Variants in TENM3 observed in about 807,000 individuals in gnomAD.
TENM3 encodes teneurin transmembrane protein 3, also known as teneurin-3.
In TENM3, 63 loss-of-function variants were observed where a neutral mutation model predicts 255.1. That is an observed-to-expected ratio of 0.25 (90% CI 0.20 to 0.30). The LOEUF (loss-of-function observed/expected upper bound fraction) is 0.30. Among genes scored for constraint, TENM3 ranks in the 10% least tolerant of loss-of-function variants. The pLI is 1.00. For missense variants in TENM3, 2,929 were observed against 3,461.1 expected, an observed-to-expected ratio of 0.85 and a Z score of 3.86; for synonymous variants, 1,306 against 1,322.3, an observed-to-expected ratio of 0.99 and a Z score of 0.27.
At chr4:182,630,207 T>C (rs1019691035) in intron 5 of TENM3, among the ~76,000 whole-genome samples, 2 of 152,168 alleles carry the variant, frequency 1.3e-5, no homozygotes, top group African/African-American at 4.8e-5. Context: ...AACCAGATAC[T>C]GAAGGGGTTG....
the TENM3 span, among the ~76,000 whole-genome samples, chr4:181,477,889 G>T: frequency 1.3e-5 from 2 of 152,150 alleles, no homozygotes; most frequent in African/African-American, 2.4e-5. Context: ...TTTTGAGTGT[G>T]CAGTAAGAGA....
At chr4:182,449,911 A>G (rs1375121106) in intron 3 of TENM3, among the ~76,000 whole-genome samples, 4 of 152,322 alleles carry the variant, frequency 2.6e-5, no homozygotes, top group Middle Eastern at 3.4e-3. Flanking sequence ...GTGTAGTTCA[A>G]TAAAACAAAG....
the TENM3 span, among the ~76,000 whole-genome samples, chr4:181,692,893 T>C: frequency 7.9e-5 from 12 of 152,180 alleles, no homozygotes; most frequent in Non-Finnish European, 1.5e-4. Flanking sequence ...TAAGAGATGC[T>C]GCCTTTGCCA....
the TENM3 span, among the ~76,000 whole-genome samples, chr4:181,951,882 T>C: frequency 6.6e-6 from 1 of 152,224 alleles, no homozygotes; most frequent in East Asian, 1.9e-4. Flanking sequence ...TGTAAACCTA[T>C]GGTAAAAGAG....
the TENM3 span, among the ~76,000 whole-genome samples, chr4:181,731,652 C>T: frequency 1.7e-4 from 26 of 152,282 alleles, no homozygotes; most frequent in African/African-American, 5.8e-4. Flanking sequence ...CTGTTCAAGA[C>T]AATGTGTGTC....
At chr4:182,786,069 C>T (rs750970781) in intron 24 of TENM3, among the ~76,000 whole-genome samples, 30 of 152,314 alleles carry the variant, frequency 2.0e-4, no homozygotes, top group Non-Finnish European at 3.2e-4. Flanking sequence ...TTCCTCATTA[C>T]TTTGGTTTGA....
intron 1 of TENM3, among the ~76,000 whole-genome samples, chr4:182,322,709 TCAGAGA>T (rs1191758265): frequency 1.3e-5 from 2 of 151,904 alleles, no homozygotes; most frequent in Non-Finnish European, 2.9e-5. Flanking sequence ...AGAGAGACAG[TCAGAGA>T]CAGAGACAGA....
chr4:182,343,005 C>G (rs1285765811), intron 2 of TENM3, among the ~76,000 whole-genome samples: 1 of 152,154 alleles, frequency 6.6e-6, no homozygotes, highest in Non-Finnish European at 1.5e-5. Flanking sequence ...GTGCTATGTG[C>G]CAATCTCATT....
chr4:181,670,935 A>C, the TENM3 span, among the ~76,000 whole-genome samples: 10 of 152,330 alleles, frequency 6.6e-5, no homozygotes, highest in East Asian at 1.9e-3. Context: ...TTATTTTCAA[A>C]ATGGGATTCT....
At chr4:182,625,067 AAAC>A (rs1323766492) in intron 4 of TENM3, among the ~76,000 whole-genome samples, 19 of 152,314 alleles carry the variant, frequency 1.2e-4, no homozygotes, top group South Asian at 2.1e-4. Context: ...AATTGTAATG[AAAC>A]AACAATACAG....
chr4:181,998,056 C>T, the TENM3 span, among the ~76,000 whole-genome samples: 1 of 152,094 alleles, frequency 6.6e-6, no homozygotes, highest in South Asian at 2.1e-4. Context: ...GTTCTGTGTG[C>T]GATATTGCTG....
At chr4:182,220,384 A>C (rs1755779497) in intron 1 of TENM3, among the ~76,000 whole-genome samples, 4 of 98,802 alleles carry the variant, frequency 4.0e-5, no homozygotes, top group Non-Finnish European at 7.4e-5. Flanking sequence ...CTCACAAAAA[A>C]AAAAAAAAAA....
the TENM3 span, among the ~76,000 whole-genome samples, chr4:181,524,202 T>G: frequency 6.6e-6 from 1 of 152,146 alleles, no homozygotes; most frequent in Non-Finnish European, 1.5e-5. Context: ...ATGGAATTTT[T>G]TTCACCTCCA....
chr4:182,761,137 G>A (rs1763156711), intron 22 of TENM3, among the ~76,000 whole-genome samples: 1 of 152,090 alleles, frequency 6.6e-6, no homozygotes, highest in South Asian at 2.1e-4. Context: ...AGAGGTTATC[G>A]GCTGGGCACG....
intron 3 of TENM3, among the ~76,000 whole-genome samples, chr4:182,420,484 T>C (rs1054829343): frequency 6.6e-6 from 1 of 152,236 alleles, no homozygotes. Flanking sequence ...AGGCATGGCC[T>C]CCACGACTCT....
At chr4:181,970,297 C>T in the TENM3 span, among the ~76,000 whole-genome samples, 1 of 152,076 alleles carries the variant, frequency 6.6e-6, no homozygotes, top group South Asian at 2.1e-4. Flanking sequence ...AATGAGAATT[C>T]GCTGTCAGGA....
At chr4:182,161,286 G>C (rs1217706566) in intron 1 of TENM3, among the ~76,000 whole-genome samples, 9 of 136,076 alleles carry the variant, frequency 6.6e-5, no homozygotes, top group Admixed American at 2.3e-4. Context: ...CGTGGTGGCG[G>C]GCGCCTGTAG....
chr4:181,971,012 A>T, the TENM3 span, among the ~76,000 whole-genome samples: 4 of 152,088 alleles, frequency 2.6e-5, no homozygotes, highest in African/African-American at 9.7e-5. Context: ...CAGTGGTGCG[A>T]TCACTGCTCA....
the TENM3 span, among the ~76,000 whole-genome samples, chr4:181,528,454 C>T: frequency 1.3e-5 from 2 of 152,200 alleles, no homozygotes; most frequent in African/African-American, 4.8e-5. Flanking sequence ...TTACGACCTT[C>T]TCTTGTAAAT....
Sources: allele counts gnomAD v4.1 joint callset (sites outside exome capture counted in the v4.1 genomes callset), GRCh38; gene constraint gnomAD v4.1.1; transcripts MANE v1.5; gene names NCBI Gene and HGNC (gene_info 2026-07-23, HGNC 2026-07-21).